EFHD1: variants seen among roughly 807,000 people sequenced by gnomAD.
The protein encoded by EFHD1 is EF-hand domain-containing protein D1.
In EFHD1, 10 loss-of-function variants were observed where a neutral mutation model predicts 17.2. The observed-to-expected ratio is 0.58, with a 90% confidence interval of 0.36 to 0.99. The LOEUF (loss-of-function observed/expected upper bound fraction) is 0.99, where lower values mean the gene tolerates loss of function less well. EFHD1 is among the 50% of genes least tolerant of loss of function. The pLI is 0.01. For missense variants in EFHD1, 310 were observed against 327.5 expected (o/e 0.95, Z 0.41); for synonymous variants, 153 against 142.0 (o/e 1.08, Z -0.55).
chr2:232,668,694 C>T (rs368663972), intron 2 of EFHD1, among the ~76,000 whole-genome samples: 3 of 151,972 alleles, frequency 2.0e-5, no homozygotes, highest in East Asian at 1.9e-4. Context: ...AGTGCAATGG[C>T]GCGATCTCGG....
intron 1 of EFHD1, among the ~76,000 whole-genome samples, chr2:232,620,301 T>G (rs1398166447): frequency 6.8e-6 from 1 of 147,116 alleles, no homozygotes. Flanking sequence ...GGCAGGAGAA[T>G]GGCGTGAACC....
At chr2:232,653,857 T>A (rs1037468016) in intron 1 of EFHD1, among the ~76,000 whole-genome samples, 1 of 152,198 alleles carries the variant, frequency 6.6e-6, no homozygotes, top group Non-Finnish European at 1.5e-5. Flanking sequence ...GCTAGTGGGC[T>A]TCTGTTTCCC....
intron 1 of EFHD1, among the ~76,000 whole-genome samples, chr2:232,612,591 T>C (rs984703380): frequency 1.3e-5 from 2 of 152,108 alleles, no homozygotes; most frequent in Non-Finnish European, 2.9e-5. Flanking sequence ...TTCCACCCCA[T>C]TGGAGTGGCT....
chr2:232,661,744 G>A (rs1029899667), intron 1 of EFHD1: 1 of 122,598 alleles, frequency 8.2e-6, no homozygotes, highest in Non-Finnish European at 2.0e-5. Context: ...ATTTTTAGTA[G>A]AAACAGGGTT....
intron 1 of EFHD1, chr2:232,606,317 G>A (rs1031224434): frequency 2.0e-6 from 2 of 1,006,100 alleles, no homozygotes; most frequent in African/African-American, 1.6e-5. Flanking sequence ...TCGCTTCCCT[G>A]CCCCGCGCAC....
chr2:232,663,645 C>T (rs993046430), intron 2 of EFHD1, among the ~76,000 whole-genome samples: 3 of 152,150 alleles, frequency 2.0e-5, no homozygotes, highest in African/African-American at 7.2e-5. Context: ...AGATTACAGG[C>T]GTGAGCCACC....
At chr2:232,617,652 CA>C (rs1192954692) in intron 1 of EFHD1, among the ~76,000 whole-genome samples, 5,663 of 99,164 alleles carry the variant, frequency 0.057, 344 homozygotes, top group African/African-American at 0.2. Flanking sequence ...GACTCCGTCT[CA>C]AAAAAAAAAA....
At chr2:232,632,326 G>A (rs536927677), upstream of EFHD1, among the ~76,000 whole-genome samples, 95 of 152,204 alleles carry the variant, frequency 6.2e-4, 1 homozygote, top group Admixed American at 1.2e-3. Context: ...CAGGTCCCCC[G>A]CATGCCCTGC....
chr2:232,674,570 G>T (rs1213414368), intron 3 of EFHD1, among the ~76,000 whole-genome samples: 1 of 152,132 alleles, frequency 6.6e-6, no homozygotes, highest in Non-Finnish European at 1.5e-5. Flanking sequence ...TGAAAAGAAT[G>T]ACAATAAAAA....
intron 1 of EFHD1, 67 bp downstream of exon 1, chr2:232,634,073 A>T (rs1011880750): frequency 6.3e-7 from 1 of 1,578,798 alleles, no homozygotes; most frequent in Non-Finnish European, 8.5e-7. Flanking sequence ...TTCTGGTCCG[A>T]AGTCCCGGGC....
At chr2:232,619,203 A>G (rs1693979425) in intron 1 of EFHD1, among the ~76,000 whole-genome samples, 1 of 140,714 alleles carries the variant, frequency 7.1e-6, no homozygotes, top group South Asian at 2.3e-4. Flanking sequence ...AAACAAACAA[A>G]CAAATAAGAA....
intron 1 of EFHD1, among the ~76,000 whole-genome samples, chr2:232,647,838 G>A (rs949531343): frequency 6.6e-6 from 1 of 151,870 alleles, no homozygotes; most frequent in African/African-American, 2.4e-5. Flanking sequence ...GGTTTCACCA[G>A]GTTGGCCAGG....
intron 1 of EFHD1, among the ~76,000 whole-genome samples, chr2:232,606,915 A>T (rs571101373): frequency 5.9e-5 from 5 of 84,396 alleles, no homozygotes; most frequent in Non-Finnish European, 7.8e-5. Flanking sequence ...AATAAAAATT[A>T]AAAAAAAATA....
chr2:232,615,295 G>A (rs1160632259), intron 1 of EFHD1, among the ~76,000 whole-genome samples: 1 of 149,352 alleles, frequency 6.7e-6, no homozygotes, highest in African/African-American at 2.5e-5. Flanking sequence ...CCCCTGCATT[G>A]TTCAAGTGTC....
At position 232,673,511 on chromosome 2, in the gene EFHD1, C is replaced by A. The variant is rs147316650; in HGVS notation, c.585+1068C>A. 1.7e-3 allele frequency among the ~76,000 whole-genome samples: 265 copies of A among 152,300 alleles called. 1 individual carries two copies. Among genetic ancestry groups the A allele is most frequent in the African/African-American group, 6.2e-3 (257 of 41,558 alleles). ...GCAAATGCTGCCACGCCTTTCCCAACTGGATCTCCTGTCCCCTCTGCCTGA... is the reference window on the plus strand; with the variant it reads ...GCAAATGCTGCCACGCCTTTCCCAAATGGATCTCCTGTCCCCTCTGCCTGA... On this transcript the variant is annotated intron_variant, in intron 3 of 3. Coordinates refer to ENST00000264059, the MANE Select transcript of EFHD1 (RefSeq NM_025202.4).
chr2:232,671,582 C>T (rs1240560046), intron 2 of EFHD1, among the ~76,000 whole-genome samples: 2 of 151,360 alleles, frequency 1.3e-5, no homozygotes, highest in Non-Finnish European at 2.9e-5. Flanking sequence ...AAAAAATTAG[C>T]GAGGCATGAT....
At chr2:232,616,698 G>C (rs181205849) in intron 1 of EFHD1, among the ~76,000 whole-genome samples, 5 of 152,182 alleles carry the variant, frequency 3.3e-5, no homozygotes, top group Non-Finnish European at 7.4e-5. Flanking sequence ...ATGGAGAGTG[G>C]GTATTTAATG....
chr2:232,654,159 A>G (rs1694710031), intron 1 of EFHD1, among the ~76,000 whole-genome samples: 1 of 150,674 alleles, frequency 6.6e-6, no homozygotes, highest in Non-Finnish European at 1.5e-5. Context: ...GTGAGCTGAG[A>G]TCGCACCACT....
Position 232,633,845 on chromosome 2 carries a change from C to T in EFHD1, c.141C>T (p.Pro47=). ...KPEPEPPARA[P]TASADAELSA... ...AGCCCGAGCCTCCCGCCCGTGCGCC[C>T]ACGGCCAGCGCCGACGCGGAGCTGA... Residue 47 remains proline, a synonymous_variant, in exon 1 of 4, where the codon CCC becomes CCT. Transcript: ENST00000264059. The T allele has an allele frequency of 6.7e-7, 1 of 1,494,480 alleles. No individual in the cohort carries two copies. The highest frequency in any genetic ancestry group is 8.8e-7 in the Non-Finnish European group (1 of 1,130,920). 92.6% of individuals were successfully genotyped at this position (1,494,480 alleles called of 1,614,324 possible). A position where few individuals can be genotyped will look rare whatever the true frequency, so the allele number is the denominator to read the frequency against.
Sources: allele counts gnomAD v4.1 joint callset (sites outside exome capture counted in the v4.1 genomes callset), GRCh38; gene constraint gnomAD v4.1.1; transcripts MANE v1.5; gene names NCBI Gene and HGNC (gene_info 2026-07-23, HGNC 2026-07-21).